The following SEC24B variants were observed in gnomAD, a reference collection of about 807,000 sequenced individuals.
SEC24B encodes the protein protein transport protein Sec24B.
In SEC24B, 45 loss-of-function variants were observed where a neutral mutation model predicts 142.8. The observed-to-expected ratio is 0.32, with a 90% CI of 0.25 to 0.40. The LOEUF is 0.40. SEC24B is among the 10% of genes least tolerant of loss of function. SEC24B has a pLI of 1.00. For synonymous variants in SEC24B, 574 were observed against 568.2 expected (o/e 1.01, Z -0.15); for missense variants, 1,409 against 1,526.8 (o/e 0.92, Z 1.29).
chr4:109,477,092 C>G (rs35273490), intron 3 of SEC24B, among the ~76,000 whole-genome samples: 14,933 of 146,498 alleles, frequency 0.1, 852 homozygotes, highest in Middle Eastern at 0.19. Flanking sequence ...AGCCGAGATC[C>G]CGCCACTGCA....
At chr4:109,523,862 C>A (rs1466107607) in intron 14 of SEC24B, among the ~76,000 whole-genome samples, 2 of 152,118 alleles carry the variant, frequency 1.3e-5, no homozygotes, top group African/African-American at 4.8e-5. Flanking sequence ...ATCCTGTAAC[C>A]ACCATTAAGT....
chr4:109,480,829 A>G (rs2125982153), intron 3 of SEC24B, among the ~76,000 whole-genome samples: 1 of 152,328 alleles, frequency 6.6e-6, no homozygotes, highest in Non-Finnish European at 1.5e-5. Flanking sequence ...AACGGTATAT[A>G]TGTTAATTTT....
chr4:109,538,449 G>A, intron 22 of SEC24B, 44 bp from the exon 23 acceptor site: 1 of 1,333,944 alleles, frequency 7.5e-7, no homozygotes, highest in Non-Finnish European at 1.1e-6. Context: ...TACTGCTGAA[G>A]TCTATGAGAA....
rs577065985 is a variant in SEC24B at position 109,434,149 on chromosome 4, C to A, written c.133+147C>A. The A allele has an allele frequency of 1.3e-4, 61 of 465,232 alleles. No homozygotes were observed. In the South Asian group the frequency reaches 5.3e-3, roughly 40 times the overall value. 28.8% of individuals were successfully genotyped at this position (465,232 alleles called of 1,614,324 possible). On this transcript the variant is annotated intron_variant, in intron 1 of 23. Coordinates refer to ENST00000265175, the MANE Select transcript of SEC24B (RefSeq NM_006323.5). ...ACGGGAGCGGGCGCGGTGCGGAGGC[C>A]GCGGGGTCCGGGTTGGGTGCGGGTA...
chr4:109,526,234 A>C lies in SEC24B; in HGVS notation c.2800A>C (p.Met934Leu), dbSNP rs200347456. 4 of 1,613,564 alleles carry C rather than the reference A, an allele frequency of 2.5e-6. No homozygotes were observed. The African/African-American group carries it at 5.3e-5, about 22-fold the overall frequency. ...GATTTTCTCCTTTTTAGGTCTTTCA[A>C]TGCACACTTTTCACGGTAACTTCTT... ...MRIRCTKGLSMHTFHGNFFVR... is the reference protein window; with the variant it reads ...MRIRCTKGLSLHTFHGNFFVR... The change falls in exon 17 of 24, where the codon ATG becomes CTG. Residue 934 changes from methionine (M) to leucine (L), a missense_variant. By Grantham distance (15) the Met-to-Leu change is conservative. Transcript: ENST00000265175.
intron 18 of SEC24B, among the ~76,000 whole-genome samples, chr4:109,528,405 T>A (rs565706538): frequency 6.8e-6 from 1 of 147,362 alleles, no homozygotes; most frequent in South Asian, 2.1e-4. Context: ...TACTCCTGCC[T>A]GAGTGACAGC....
chr4:109,494,534 G>A, intron 5 of SEC24B, 81 bp from the exon 6 acceptor site: 1 of 1,555,944 alleles, frequency 6.4e-7, no homozygotes, highest in Non-Finnish European at 8.7e-7. Context: ...GAAATGTCAG[G>A]GGTTATGGAC....
At chr4:109,532,109 G>C (rs150920854) in intron 20 of SEC24B, among the ~76,000 whole-genome samples, 2 of 151,826 alleles carry the variant, frequency 1.3e-5, no homozygotes, top group African/African-American at 4.8e-5. Flanking sequence ...TGCCCATCTC[G>C]GCTTCCCAAA....
At chr4:109,526,526 C>G (rs1724244314) in intron 17 of SEC24B, 127 bp downstream of exon 17, 1 of 610,150 alleles carries the variant, frequency 1.6e-6, no homozygotes. Flanking sequence ...ATTAGTTAAT[C>G]AAACATATGT....
intron 1 of SEC24B, among the ~76,000 whole-genome samples, chr4:109,446,981 TC>T (rs1729535867): frequency 6.6e-6 from 1 of 152,222 alleles, no homozygotes. Context: ...CAATTACAGT[TC>T]CATGTGAAAA....
intron 22 of SEC24B, among the ~76,000 whole-genome samples, chr4:109,537,932 G>C (rs1198786858): frequency 6.6e-6 from 1 of 151,932 alleles, no homozygotes; most frequent in East Asian, 1.9e-4. Context: ...TTTGAAAAAG[G>C]AAAGTAAATC....
At chr4:109,518,772 CTTG>C (rs35064673) in intron 11 of SEC24B, among the ~76,000 whole-genome samples, 15,265 of 145,436 alleles carry the variant, frequency 0.1, 865 homozygotes, top group Middle Eastern at 0.19. Context: ...GATTGGTTGG[CTTG>C]TTGTTGGTTT....
intron 1 of SEC24B, among the ~76,000 whole-genome samples, chr4:109,456,721 G>A (rs1207545018): frequency 2.0e-5 from 3 of 152,120 alleles, no homozygotes; most frequent in African/African-American, 7.2e-5. Flanking sequence ...TGGTCAGTCA[G>A]CCTTGTATTC....
In SEC24B at chr4:109,516,517, A is replaced by T; in HGVS notation, c.2014-11A>T. On this transcript the variant is annotated splice_polypyrimidine_tract_variant and intron_variant, in intron 10 of 23. Transcript: ENST00000265175. ...CTACCAAATAACTTACTTTATTTTT[A>T]TTCCTTTCAGCTGCGTCCTCCTCAA... 1.3e-6 allele frequency: 2 copies of T among 1,537,366 alleles called. No individual in the cohort carries two copies. Among genetic ancestry groups the T allele is most frequent in the Non-Finnish European group, 1.8e-6 (2 of 1,121,900 alleles).
intron 2 of SEC24B, among the ~76,000 whole-genome samples, chr4:109,466,679 G>C (rs1421157235): frequency 1.3e-5 from 2 of 152,134 alleles, no homozygotes; most frequent in Non-Finnish European, 2.9e-5. Flanking sequence ...CAAAGTGCTG[G>C]GATTACAGGC....
At chr4:109,534,709 T>C (rs1725316896) in intron 22 of SEC24B, among the ~76,000 whole-genome samples, 1 of 152,048 alleles carries the variant, frequency 6.6e-6, no homozygotes, top group African/African-American at 2.4e-5. Context: ...AAAGTAAAAA[T>C]GCAAACAACA....
chr4:109,539,267 T>TA (rs1039244057), intron 23 of SEC24B, among the ~76,000 whole-genome samples: 3 of 150,774 alleles, frequency 2.0e-5, no homozygotes, highest in African/African-American at 7.4e-5. Flanking sequence ...CGGCCAATTT[T>TA]AAAAATTTTT....
intron 11 of SEC24B, among the ~76,000 whole-genome samples, chr4:109,517,979 A>T (rs979994981): frequency 1.6e-5 from 2 of 124,884 alleles, no homozygotes; most frequent in East Asian, 4.9e-4. Flanking sequence ...TTATTTATTT[A>T]TTTTTTGAGA....
chr4:109,463,496 A>G lies in SEC24B; in HGVS notation c.729A>G (p.Leu243=), dbSNP rs375348924. 34 of 1,614,056 alleles carry G rather than the reference A, an allele frequency of 2.1e-5. No individual in the cohort carries two copies. The East Asian group carries it at 5.3e-4, about 25-fold the overall frequency. Residue 243 remains leucine (L), a synonymous_variant, in exon 2 of 24, where the codon CTA becomes CTG. Coordinates refer to ENST00000265175, the MANE Select transcript of SEC24B (RefSeq NM_006323.5). ...AISHPSPLPP[L]PSQQHHQQQS... ...GCCATCCATCGCCACTTCCACCTCT[A>G]CCATCACAACAGCACCACCAGCAGC...
Sources: allele counts gnomAD v4.1 joint callset (sites outside exome capture counted in the v4.1 genomes callset), GRCh38; gene constraint gnomAD v4.1.1; transcripts MANE v1.5; gene names NCBI Gene and HGNC (gene_info 2026-07-23, HGNC 2026-07-21).